The following PTPRT variants were observed in gnomAD, a reference collection of about 807,000 sequenced individuals.
PTPRT encodes protein tyrosine phosphatase receptor type T.
In PTPRT, 56 loss-of-function variants were observed where a neutral mutation model predicts 176.8. The observed-to-expected ratio is 0.32, with a 90% CI of 0.26 to 0.40. PTPRT has a LOEUF of 0.40. PTPRT is among the 10% of genes least tolerant of loss of function. PTPRT has a pLI of 1.00. For missense variants in PTPRT, 1,540 were observed against 1,908.2 expected (o/e 0.81, Z 3.60); for synonymous variants, 783 against 739.0 (o/e 1.06, Z -0.96).
At chr20:42,743,486 T>C (rs1164998834) in intron 6 of PTPRT, among the ~76,000 whole-genome samples, 1 of 152,232 alleles carries the variant, frequency 6.6e-6, no homozygotes, top group Non-Finnish European at 1.5e-5. Flanking sequence ...AGCTGCATCG[T>C]TTGTTTTTTA....
At chr20:43,126,947 T>C (rs139820964) in intron 1 of PTPRT, among the ~76,000 whole-genome samples, 516 of 152,296 alleles carry the variant, frequency 3.4e-3, no homozygotes, top group Non-Finnish European at 5.6e-3. Flanking sequence ...ATCAACTGCA[T>C]TGGATTCTGC....
intron 1 of PTPRT, among the ~76,000 whole-genome samples, chr20:42,889,853 C>T (rs1361661535): frequency 3.9e-5 from 6 of 152,120 alleles, no homozygotes; most frequent in Admixed American, 2.0e-4. Flanking sequence ...ATCTATGCTG[C>T]GATTTTCCAC....
intron 1 of PTPRT, among the ~76,000 whole-genome samples, chr20:42,994,501 C>T (rs998045362): frequency 4.6e-5 from 7 of 151,882 alleles, no homozygotes; most frequent in African/African-American, 1.7e-4. Flanking sequence ...TCAGGTGCTA[C>T]TGGAACCTAG....
At chr20:42,180,422 T>C (rs900314533) in intron 16 of PTPRT, among the ~76,000 whole-genome samples, 1 of 152,212 alleles carries the variant, frequency 6.6e-6, no homozygotes, top group Non-Finnish European at 1.5e-5. Flanking sequence ...TTATGACTCC[T>C]GATCCCATTC....
At chr20:42,456,522 C>G (rs1004836625) in intron 8 of PTPRT, among the ~76,000 whole-genome samples, 4 of 151,926 alleles carry the variant, frequency 2.6e-5, no homozygotes, top group African/African-American at 4.8e-5. Context: ...TGAGGGGGCC[C>G]ATTTTTATTC....
intron 15 of PTPRT, among the ~76,000 whole-genome samples, chr20:42,202,513 C>T (rs1466013680): frequency 4.6e-5 from 7 of 152,000 alleles, no homozygotes; most frequent in East Asian, 3.9e-4. Flanking sequence ...TAGACAGGGG[C>T]GGGGGAATGC....
chr20:43,175,456 T>A (rs2015103526), intron 1 of PTPRT, among the ~76,000 whole-genome samples: 1 of 152,284 alleles, frequency 6.6e-6, no homozygotes, highest in South Asian at 2.1e-4. Flanking sequence ...TATCTGTACC[T>A]TATTAATAAA....
At chr20:42,123,424 A>G (rs1022084140) in intron 19 of PTPRT, among the ~76,000 whole-genome samples, 5 of 152,212 alleles carry the variant, frequency 3.3e-5, no homozygotes, top group African/African-American at 9.7e-5. Flanking sequence ...CTTTTGAGCA[A>G]CTTATAGACA....
At chr20:42,219,180 C>T (rs2055831177) in intron 15 of PTPRT, among the ~76,000 whole-genome samples, 1 of 152,172 alleles carries the variant, frequency 6.6e-6, no homozygotes, top group African/African-American at 2.4e-5. Flanking sequence ...CTGCACCAGC[C>T]TCCTAAAGAA....
chr20:42,379,553 G>A (rs1324187664), intron 9 of PTPRT, among the ~76,000 whole-genome samples: 1 of 152,230 alleles, frequency 6.6e-6, no homozygotes, highest in Non-Finnish European at 1.5e-5. Context: ...TGAGCCTGTG[G>A]AGGGCAGCAG....
At chr20:43,056,382 G>A (rs956916123) in intron 1 of PTPRT, among the ~76,000 whole-genome samples, 1 of 152,212 alleles carries the variant, frequency 6.6e-6, no homozygotes, top group Admixed American at 6.5e-5. Flanking sequence ...GCTGTATGAT[G>A]CCACTTCTGG....
chr20:42,584,400 G>A (rs2073434697), intron 7 of PTPRT, among the ~76,000 whole-genome samples: 1 of 152,102 alleles, frequency 6.6e-6, no homozygotes, highest in African/African-American at 2.4e-5. Flanking sequence ...CCCACCTCAC[G>A]GCATTTGCAC....
chr20:42,840,346 A>T (rs2078255974), intron 2 of PTPRT, among the ~76,000 whole-genome samples: 1 of 152,138 alleles, frequency 6.6e-6, no homozygotes, highest in African/African-American at 2.4e-5. Flanking sequence ...ATTTCCAAAT[A>T]AGGTCACAAT....
chr20:42,518,364 T>A (rs974790159), intron 7 of PTPRT, among the ~76,000 whole-genome samples: 6 of 152,116 alleles, frequency 3.9e-5, no homozygotes, highest in Non-Finnish European at 8.8e-5. Context: ...TAATTTTGTA[T>A]CTTTGTTTTA....
At chr20:42,684,909 C>T (rs2075665589) in intron 6 of PTPRT, among the ~76,000 whole-genome samples, 1 of 152,130 alleles carries the variant, frequency 6.6e-6, no homozygotes, top group African/African-American at 2.4e-5. Context: ...GGGCAGCTCC[C>T]ATGTACTGCA....
At chr20:42,547,670 T>C (rs2072699526) in intron 7 of PTPRT, among the ~76,000 whole-genome samples, 1 of 152,036 alleles carries the variant, frequency 6.6e-6, no homozygotes. Flanking sequence ...TGAGAAACTG[T>C]AGAAATATTC....
chr20:43,066,601 C>T (rs2011114019), intron 1 of PTPRT, among the ~76,000 whole-genome samples: 1 of 152,156 alleles, frequency 6.6e-6, no homozygotes, highest in Non-Finnish European at 1.5e-5. Flanking sequence ...AATTGCACTT[C>T]CCCCCATCCA....
At chr20:42,470,036 GA>G (rs1438067927) in intron 8 of PTPRT, among the ~76,000 whole-genome samples, 2 of 151,940 alleles carry the variant, frequency 1.3e-5, no homozygotes, top group Non-Finnish European at 1.5e-5. Context: ...AAATGAAAAT[GA>G]AAAAAAGAAA....
intron 14 of PTPRT, among the ~76,000 whole-genome samples, chr20:42,239,691 G>C (rs2056316013): frequency 6.6e-6 from 1 of 151,906 alleles, no homozygotes; most frequent in Non-Finnish European, 1.5e-5. Flanking sequence ...CAAAGTGCTG[G>C]GATTACAGGC....
Sources: gnomAD v4.1 joint callset for allele counts (sites outside exome capture counted in the v4.1 genomes callset) on GRCh38, gnomAD v4.1.1 for gene constraint, MANE v1.5 for transcripts, NCBI Gene and HGNC (gene_info 2026-07-23, HGNC 2026-07-21) for gene names.